TAFA2: variants seen among roughly 807,000 people sequenced by gnomAD.
The protein encoded by TAFA2 is TAFA chemokine like family member 2.
A neutral mutation model predicts 18.8 loss-of-function variants in TAFA2; 7 were observed. The ratio of observed to expected loss-of-function variants is 0.37; its 90% CI spans 0.21 to 0.70. TAFA2 has a LOEUF of 0.70. Among genes scored for constraint, TAFA2 ranks in the 30% least tolerant of loss-of-function variants. TAFA2 has a pLI of 0.53. For synonymous variants in TAFA2, 60 were observed against 54.2 expected, an observed-to-expected ratio of 1.11 and a Z score of -0.47; for missense variants, 122 against 158.1, an observed-to-expected ratio of 0.77 and a Z score of 1.23.
intron 1 of TAFA2, among the ~76,000 whole-genome samples, chr12:62,145,376 G>A (rs1303453413): frequency 6.6e-6 from 1 of 152,232 alleles, no homozygotes; most frequent in Non-Finnish European, 1.5e-5. Context: ...AATCCGGGAT[G>A]CGTGCTCCTT....
At chr12:62,201,695 T>C (rs889006694) in intron 1 of TAFA2, among the ~76,000 whole-genome samples, 1 of 152,138 alleles carries the variant, frequency 6.6e-6, no homozygotes, top group South Asian at 2.1e-4. Context: ...AACTTTGTTG[T>C]TGTTGTTGCT....
chr12:61,941,863 G>A (rs1043454194), intron 1 of TAFA2, among the ~76,000 whole-genome samples: 1 of 152,092 alleles, frequency 6.6e-6, no homozygotes, highest in Non-Finnish European at 1.5e-5. Flanking sequence ...CAAGGCGGCA[G>A]CGAGGCTGGG....
At chr12:61,860,878 T>C (rs747565398) in intron 2 of TAFA2, among the ~76,000 whole-genome samples, 12 of 152,224 alleles carry the variant, frequency 7.9e-5, no homozygotes, top group Admixed American at 2.0e-4. Context: ...ATTTGTGTTA[T>C]TATCTGATTA....
chr12:61,739,100 T>C (rs1868356803), intron 4 of TAFA2, among the ~76,000 whole-genome samples: 1 of 152,054 alleles, frequency 6.6e-6, no homozygotes, highest in Non-Finnish European at 1.5e-5. Context: ...AGATATATTA[T>C]TGTCATCATC....
chr12:61,766,625 T>C (rs1179312796), intron 2 of TAFA2, among the ~76,000 whole-genome samples: 1 of 152,114 alleles, frequency 6.6e-6, no homozygotes, highest in Non-Finnish European at 1.5e-5. Flanking sequence ...CTAAATTTTG[T>C]GGACCAAATC....
intron 2 of TAFA2, among the ~76,000 whole-genome samples, chr12:61,817,549 G>C (rs928332633): frequency 2.0e-5 from 3 of 152,088 alleles, no homozygotes; most frequent in African/African-American, 7.2e-5. Context: ...TCCCAAGAGA[G>C]AGCTTTTTAT....
At chr12:62,088,927 T>TGC (rs1446992417) in intron 1 of TAFA2, among the ~76,000 whole-genome samples, 56 of 151,804 alleles carry the variant, frequency 3.7e-4, no homozygotes, top group South Asian at 4.2e-4. Flanking sequence ...TGTGTGTGTG[T>TGC]GCACGCGCGC....
chr12:61,813,845 C>T (rs371000975), intron 2 of TAFA2, among the ~76,000 whole-genome samples: 2 of 151,546 alleles, frequency 1.3e-5, no homozygotes, highest in East Asian at 3.9e-4. Context: ...ATGTACCTAT[C>T]TCATACTGTT....
chr12:62,095,372 G>A (rs1146080), intron 1 of TAFA2, among the ~76,000 whole-genome samples: 61,459 of 151,934 alleles, frequency 0.4, 12,757 homozygotes, highest in African/African-American at 0.46. Context: ...TAATCATGAG[G>A]AAAATAAACA....
At chr12:62,206,032 T>C (rs1010954158) in intron 1 of TAFA2, among the ~76,000 whole-genome samples, 3 of 152,102 alleles carry the variant, frequency 2.0e-5, no homozygotes, top group Non-Finnish European at 4.4e-5. Flanking sequence ...TTCCTCGCTC[T>C]CCATGGGTCA....
chr12:61,920,503 C>A lies in TAFA2; in HGVS notation c.-1-53077G>T, dbSNP rs567980691. On this transcript the variant is annotated intron_variant, in intron 1 of 4. Coordinates refer to ENST00000416284, the MANE Select transcript of TAFA2 (RefSeq NM_178539.5). ...TTTGCCCCATATATTTACCTTCCCA[C>A]AGTTTGCTGCTTCTAAAAGCCTAAA... Among the ~76,000 whole-genome samples, 5 of 152,296 alleles carry A rather than the reference C, an allele frequency of 3.3e-5. No individual in the cohort carries two copies. The East Asian group carries it at 9.6e-4, about 29-fold the overall frequency.
chr12:62,034,289 G>A (rs566889167), intron 1 of TAFA2, among the ~76,000 whole-genome samples: 36 of 152,204 alleles, frequency 2.4e-4, no homozygotes, highest in African/African-American at 6.5e-4. Context: ...GGGACAGGAT[G>A]AAGGTCAGGT....
intron 1 of TAFA2, among the ~76,000 whole-genome samples, chr12:62,104,178 A>C (rs577245575): frequency 6.6e-6 from 1 of 152,140 alleles, no homozygotes; most frequent in Non-Finnish European, 1.5e-5. Context: ...GAATTTATTG[A>C]GTAATAATTA....
intron 1 of TAFA2, among the ~76,000 whole-genome samples, chr12:62,185,154 T>A (rs1179306401): frequency 6.6e-6 from 1 of 152,218 alleles, no homozygotes; most frequent in Non-Finnish European, 1.5e-5. Context: ...AATGTTTAAA[T>A]ACATACATAT....
chr12:61,808,369 A>G (rs1871715380), intron 2 of TAFA2, among the ~76,000 whole-genome samples: 1 of 151,436 alleles, frequency 6.6e-6, no homozygotes, highest in South Asian at 2.1e-4. Flanking sequence ...AGTCCAATAA[A>G]CCTTTTTTCT....
chr12:61,879,224 T>C (rs1023182383), intron 1 of TAFA2: 1 of 366,210 alleles, frequency 2.7e-6, no homozygotes, highest in Admixed American at 3.8e-5. Context: ...GTTCTTTCCA[T>C]TAAAAGTCTG....
intron 1 of TAFA2, among the ~76,000 whole-genome samples, chr12:62,070,219 T>C (rs1184185737): frequency 1.3e-5 from 2 of 152,194 alleles, no homozygotes; most frequent in South Asian, 2.1e-4. Context: ...CTTAATCTCT[T>C]TCTAATACTG....
intron 1 of TAFA2, among the ~76,000 whole-genome samples, chr12:62,254,408 C>T (rs1315013808): frequency 6.6e-6 from 1 of 152,120 alleles, no homozygotes; most frequent in Non-Finnish European, 1.5e-5. Context: ...GTCTTTTTGA[C>T]TCTAAAATGC....
intron 2 of TAFA2, among the ~76,000 whole-genome samples, chr12:61,766,367 CAG>C (rs775214651): frequency 6.6e-6 from 1 of 152,106 alleles, no homozygotes; most frequent in Non-Finnish European, 1.5e-5. Context: ...AAACTATTAT[CAG>C]AGTCTTATAC....
Sources: allele counts gnomAD v4.1 joint callset (sites outside exome capture counted in the v4.1 genomes callset), GRCh38; gene constraint gnomAD v4.1.1; transcripts MANE v1.5; gene names NCBI Gene and HGNC (gene_info 2026-07-23, HGNC 2026-07-21).